The following GPBP1 variants were observed in gnomAD, a reference collection of about 807,000 sequenced individuals.
GPBP1 encodes vasculin.
GPBP1 carries 13 observed loss-of-function variants against 56.5 expected under a neutral mutation model. That is an observed-to-expected ratio of 0.23 (90% CI 0.15 to 0.37). The LOEUF is 0.37. Among genes scored for constraint, GPBP1 ranks in the 10% least tolerant of loss-of-function variants. The pLI is 1.00. For synonymous variants in GPBP1, 204 were observed against 188.9 expected, an observed-to-expected ratio of 1.08 and a Z score of -0.66; for missense variants, 477 against 572.3, an observed-to-expected ratio of 0.83 and a Z score of 1.70.
chr5:57,201,618 G>A (rs896196610), intron 2 of GPBP1, among the ~76,000 whole-genome samples: 1 of 152,170 alleles, frequency 6.6e-6, no homozygotes, highest in African/African-American at 2.4e-5. Context: ...ACCTAGGGTA[G>A]CCGACACCTA....
chr5:57,228,124 TTAAA>T lies in GPBP1; in HGVS notation c.64-2719_64-2716del, dbSNP rs1756276401. 2.6e-5 allele frequency among the ~76,000 whole-genome samples: 4 copies of T among 152,202 alleles called. No individual in the cohort carries two copies. In the South Asian group the frequency reaches 8.3e-4, roughly 32 times the overall value. Reference sequence around the variant, plus strand: ...CCTGTTTAATTACTTCTTTATATGTTTAAATACTTCATTAAAACCACCTATATAG... The same window carrying T: ...CCTGTTTAATTACTTCTTTATATGTTTACTTCATTAAAACCACCTATATAG... On this transcript the variant is annotated intron_variant, in intron 3 of 11. Transcript: ENST00000506184.
At chr5:57,185,982 T>C (rs1462258041) in intron 2 of GPBP1, among the ~76,000 whole-genome samples, 1 of 152,086 alleles carries the variant, frequency 6.6e-6, no homozygotes, top group African/African-American at 2.4e-5. Context: ...AAAATTGGGT[T>C]GTCTTAACGA....
intron 2 of GPBP1, among the ~76,000 whole-genome samples, chr5:57,206,298 A>G (rs934953530): frequency 6.6e-6 from 1 of 152,128 alleles, no homozygotes; most frequent in Non-Finnish European, 1.5e-5. Context: ...TTAAGAATTC[A>G]TTGCCAAATC....
At chr5:57,180,327 G>T (rs1753985287) in intron 2 of GPBP1, among the ~76,000 whole-genome samples, 1 of 152,046 alleles carries the variant, frequency 6.6e-6, no homozygotes, top group Non-Finnish European at 1.5e-5. Context: ...TGTTGGCCAG[G>T]CTGGTCTCGA....
At chr5:57,259,058 A>C (rs184002697) in intron 10 of GPBP1, among the ~76,000 whole-genome samples, 230 of 152,354 alleles carry the variant, frequency 1.5e-3, no homozygotes, top group African/African-American at 5.3e-3. Flanking sequence ...TTCCAAAAGG[A>C]GGCCATCCAG....
In GPBP1 at chr5:57,235,967, C is replaced by T; in HGVS notation, c.413C>T (p.Pro138Leu). ...ATGTTTATTCCAACTTTCTTCCAGC[C>T]GTCTTTAAATCCTGAGTATGAGAGA... ...ERKQFEAEDFPSLNPEYEREP... is the reference protein window; with the variant it reads ...ERKQFEAEDFLSLNPEYEREP... The change falls in exon 6 of 12, where the codon CCG becomes CTG. Residue 138 changes from proline to leucine, a missense_variant and splice_region_variant. Around this residue, in one of 2 missense-constraint regions of GPBP1, gnomAD observed 414 missense variants for 458.2 expected, o/e 0.90. Coordinates refer to ENST00000506184, the MANE Select transcript of GPBP1 (RefSeq NM_022913.4). 1.2e-6 allele frequency: 2 copies of T among 1,604,198 alleles called. No homozygotes were observed. The highest frequency in any genetic ancestry group is 1.7e-6 in the Non-Finnish European group (2 of 1,171,906).
At chr5:57,238,026 A>T (rs965132920) in intron 6 of GPBP1, among the ~76,000 whole-genome samples, 6 of 152,180 alleles carry the variant, frequency 3.9e-5, no homozygotes, top group African/African-American at 1.4e-4. Flanking sequence ...AAACACCCTC[A>T]TGCAGCTTAT....
At chr5:57,200,886 G>C (rs1754991003) in intron 2 of GPBP1, among the ~76,000 whole-genome samples, 1 of 152,112 alleles carries the variant, frequency 6.6e-6, no homozygotes, top group African/African-American at 2.4e-5. Context: ...CACCGTGTTA[G>C]CCAGGATGGT....
chr5:57,185,926 G>C (rs80129168), intron 2 of GPBP1, among the ~76,000 whole-genome samples: 2 of 151,596 alleles, frequency 1.3e-5, no homozygotes, highest in Admixed American at 6.6e-5. Flanking sequence ...AGAGGTTGCA[G>C]CCTGGACGAT....
intron 3 of GPBP1, among the ~76,000 whole-genome samples, chr5:57,218,875 C>T (rs1755809962): frequency 6.6e-6 from 1 of 152,130 alleles, no homozygotes; most frequent in African/African-American, 2.4e-5. Flanking sequence ...TAAAATTCTC[C>T]TATAGAATAT....
intron 2 of GPBP1, among the ~76,000 whole-genome samples, chr5:57,211,645 G>A (rs557339058): frequency 5.9e-5 from 9 of 151,982 alleles, no homozygotes; most frequent in African/African-American, 1.2e-4. Flanking sequence ...GTGCAATGGC[G>A]CGATCTCTGC....
Position 57,249,339 on chromosome 5 carries a change from A to G in GPBP1, c.805-70A>G, listed in dbSNP as rs1457194217. ...TAAAGGTAAAATAGGAAGCTGTGGTAGTAGTGAATTTTATGTTGACATTGA... is the reference window on the plus strand; with the variant it reads ...TAAAGGTAAAATAGGAAGCTGTGGTGGTAGTGAATTTTATGTTGACATTGA... On this transcript the variant is annotated intron_variant, in intron 8 of 11. Coordinates refer to ENST00000506184, the MANE Select transcript of GPBP1 (RefSeq NM_022913.4). The G allele has an allele frequency of 7.1e-6, 8 of 1,119,020 alleles. No homozygotes were observed. The East Asian group carries it at 9.6e-5, about 13-fold the overall frequency. The allele number at this position is 1,119,020 out of a possible 1,614,324, so 69.3% of individuals were successfully genotyped here.
intron 2 of GPBP1, among the ~76,000 whole-genome samples, chr5:57,187,438 C>T (rs1480558078): frequency 1.3e-5 from 2 of 152,148 alleles, no homozygotes; most frequent in African/African-American, 4.8e-5. Context: ...TAGAGATTTC[C>T]TTTGCCTCAG....
Position 57,224,731 on chromosome 5 carries a change from G to A in GPBP1, c.64-6115G>A, listed in dbSNP as rs142728052. 3.2e-3 allele frequency among the ~76,000 whole-genome samples: 480 copies of A among 152,166 alleles called. 4 individuals carry two copies. Among genetic ancestry groups the A allele is most frequent in the African/African-American group, 0.011 (459 of 41,504 alleles). On this transcript the variant is annotated intron_variant, in intron 3 of 11. Coordinates refer to ENST00000506184, the MANE Select transcript of GPBP1 (RefSeq NM_022913.4). The stretch of plus-strand genomic sequence containing the variant: ...TACCCAGTTTATAGTTTTAAAATTC[G>A]GGATTATGACCTGACCATCCCTGGA...
At position 57,251,023 on chromosome 5, in the gene GPBP1, G is replaced by A. The variant is rs143672453; in HGVS notation, c.1042G>A (p.Asp348Asn). 3.7e-6 allele frequency: 6 copies of A among 1,611,538 alleles called. No homozygotes were observed. The highest frequency in any genetic ancestry group is 1.7e-5 in the Admixed American group (1 of 59,788). The change falls in exon 10 of 12, where the codon GAT becomes AAT. Residue 348 changes from aspartate (D) to asparagine (N), a missense_variant. Transcript: ENST00000506184. ...HQERDINRNF[D>N]ENEIPQENGN... is the part of the protein sequence containing the mutation. ...AGAAAGGGATATAAACCGAAACTTC[G>A]ATGAAAATGAAATTCCTCAAGAGAA...
intron 11 of GPBP1, 76 bp from the exon 12 acceptor site, chr5:57,262,518 T>C: frequency 2.7e-6 from 3 of 1,121,348 alleles, no homozygotes; most frequent in Non-Finnish European, 3.9e-6. Flanking sequence ...AATTTTATTA[T>C]ATTCATGCTT....
chr5:57,213,988 AGTAAGT>A (rs1561343927), intron 2 of GPBP1, 80 bp from the exon 3 acceptor site: 95 of 634,554 alleles, frequency 1.5e-4, no homozygotes, highest in Non-Finnish European at 2.8e-6. Context: ...ATCCTATAGT[AGTAAGT>A]AGTAAGATCA....
chr5:57,206,611 C>T (rs574714967), intron 2 of GPBP1, among the ~76,000 whole-genome samples: 21 of 152,044 alleles, frequency 1.4e-4, no homozygotes, highest in Admixed American at 5.9e-4. Context: ...TGACCTCAAG[C>T]GATCCACCTG....
At chr5:57,237,404 G>T in intron 6 of GPBP1, 1 of 485,342 alleles carries the variant, frequency 2.1e-6, no homozygotes, top group Non-Finnish European at 3.7e-6. Flanking sequence ...ATGATTTAGA[G>T]ACAAAGACAT....
Sources: allele counts gnomAD v4.1 joint callset (sites outside exome capture counted in the v4.1 genomes callset), GRCh38; gene constraint gnomAD v4.1.1; regional missense constraint gnomAD v4.1.1; transcripts MANE v1.5; gene names NCBI Gene and HGNC (gene_info 2026-07-23, HGNC 2026-07-21).